Variants in CNTNAP2 observed in about 807,000 individuals in gnomAD.
CNTNAP2 encodes contactin-associated protein-like 2.
CNTNAP2 carries 98 observed loss-of-function variants against 155.2 expected under a neutral mutation model. The observed-to-expected ratio is 0.63, with a 90% CI of 0.54 to 0.75. The LOEUF is 0.75. Among genes scored for constraint, CNTNAP2 ranks in the 30% least tolerant of loss-of-function variants. The pLI, the probability that CNTNAP2 is intolerant of heterozygous loss-of-function variation, is 0.00. For missense variants in CNTNAP2, 1,727 were observed against 1,688.1 expected, an observed-to-expected ratio of 1.02 and a Z score of -0.40; for synonymous variants, 651 against 631.2, an observed-to-expected ratio of 1.03 and a Z score of -0.47.
intron 1 of CNTNAP2, among the ~76,000 whole-genome samples, chr7:146,728,579 T>C (rs762187288): frequency 2.7e-5 from 4 of 148,750 alleles, no homozygotes; most frequent in Admixed American, 6.7e-5. Flanking sequence ...ACCGTAAATC[T>C]ATACAATTTA....
At chr7:146,148,667 A>G (rs547319629) in intron 1 of CNTNAP2, among the ~76,000 whole-genome samples, 1 of 152,252 alleles carries the variant, frequency 6.6e-6, no homozygotes, top group East Asian at 1.9e-4. Flanking sequence ...TGTCAACATG[A>G]TGAGAAAATG....
intron 7 of CNTNAP2, among the ~76,000 whole-genome samples, chr7:147,130,632 G>T (rs1801333863): frequency 6.6e-6 from 1 of 152,096 alleles, no homozygotes; most frequent in Non-Finnish European, 1.5e-5. Context: ...AGGACATTTT[G>T]CAAGCAACCC....
intron 2 of CNTNAP2, among the ~76,000 whole-genome samples, chr7:146,787,589 G>A (rs1479055227): frequency 6.6e-6 from 1 of 152,092 alleles, no homozygotes; most frequent in Non-Finnish European, 1.5e-5. Flanking sequence ...AATGCCGCAC[G>A]GACACAAAGA....
chr7:147,567,042 G>A (rs748546667), intron 12 of CNTNAP2, among the ~76,000 whole-genome samples: 5 of 152,086 alleles, frequency 3.3e-5, no homozygotes, highest in African/African-American at 1.2e-4. Flanking sequence ...TGCCACAGAC[G>A]TATGGCAAAT....
intron 3 of CNTNAP2, among the ~76,000 whole-genome samples, chr7:146,881,722 C>G (rs1280965470): frequency 6.9e-6 from 1 of 144,984 alleles, no homozygotes; most frequent in African/African-American, 2.6e-5. Flanking sequence ...GTTATGATCT[C>G]TGTCACTTGT....
intron 1 of CNTNAP2, among the ~76,000 whole-genome samples, chr7:146,636,439 C>T (rs768894599): frequency 3.3e-5 from 5 of 152,092 alleles, no homozygotes; most frequent in Non-Finnish European, 7.4e-5. Flanking sequence ...TTCTCCTTAT[C>T]TAAAAAAATT....
intron 2 of CNTNAP2, among the ~76,000 whole-genome samples, chr7:146,832,127 T>A (rs1053929880): frequency 6.6e-6 from 1 of 152,168 alleles, no homozygotes; most frequent in African/African-American, 2.4e-5. Flanking sequence ...TGCAGATGTT[T>A]ATCCCCCACT....
intron 14 of CNTNAP2, chr7:147,940,231 A>T (rs1232989872): frequency 6.9e-6 from 1 of 144,230 alleles, no homozygotes; most frequent in Non-Finnish European, 1.5e-5. Flanking sequence ...TTCCATTCTG[A>T]TCGGCAGTGG....
intron 12 of CNTNAP2, among the ~76,000 whole-genome samples, chr7:147,585,055 G>T (rs1046257983): frequency 6.6e-6 from 1 of 152,150 alleles, no homozygotes; most frequent in Non-Finnish European, 1.5e-5. Context: ...GTTGCCCACA[G>T]CCTTCTGTCT....
chr7:147,218,567 T>C (rs1320672126), intron 8 of CNTNAP2, among the ~76,000 whole-genome samples: 1 of 107,008 alleles, frequency 9.3e-6, no homozygotes, highest in East Asian at 2.0e-4. Context: ...TATTTTTTTC[T>C]GTTTTTTTTT....
chr7:146,668,198 T>C lies in CNTNAP2; in HGVS notation c.98-106073T>C, dbSNP rs1031625935. 3.3e-5 allele frequency among the ~76,000 whole-genome samples: 5 copies of C among 152,268 alleles called. No individual in the cohort carries two copies. The East Asian group carries it at 9.6e-4, about 29-fold the overall frequency. On this transcript the variant is annotated intron_variant, in intron 1 of 23. Transcript: ENST00000361727. ...AATATAATGGCATATTACATTGTAT[T>C]AAATGTTTTTTCTGAATCTATCAAA...
rs148577290 is a variant in CNTNAP2, at chr7:147,346,447, C to T, written c.1498+46157C>T. Among the ~76,000 whole-genome samples, 219 of 152,244 alleles carry T rather than the reference C, an allele frequency of 1.4e-3. 3 individuals are homozygous for T. The highest frequency in any genetic ancestry group is 5.1e-3 in the African/African-American group (213 of 41,528). ...GGGATTACAGGCGTGAGCCACCGCG[C>T]CCGGCCCATAATCGAAGATTTTAAA... On this transcript the variant is annotated intron_variant, in intron 9 of 23. Transcript: ENST00000361727.
intron 10 of CNTNAP2, 27 bp downstream of exon 10, chr7:147,395,807 C>A: frequency 4.3e-6 from 7 of 1,610,024 alleles, no homozygotes; most frequent in East Asian, 2.2e-5. Flanking sequence ...TCCTACCTCA[C>A]GTTGTCCAAA....
intron 11 of CNTNAP2, among the ~76,000 whole-genome samples, chr7:147,512,681 A>G (rs1024289747): frequency 1.3e-5 from 2 of 152,206 alleles, no homozygotes; most frequent in Non-Finnish European, 1.5e-5. Flanking sequence ...AGATCTGTCT[A>G]TCATATCACC....
chr7:146,866,623 C>T (rs764270812), intron 3 of CNTNAP2, among the ~76,000 whole-genome samples: 18 of 152,166 alleles, frequency 1.2e-4, no homozygotes, highest in South Asian at 8.3e-4. Context: ...TTGGCTGGCA[C>T]GGCAAGTGGG....
intron 11 of CNTNAP2, among the ~76,000 whole-genome samples, chr7:147,546,974 C>T (rs1235848781): frequency 6.6e-6 from 1 of 152,148 alleles, no homozygotes; most frequent in Non-Finnish European, 1.5e-5. Context: ...AGGAACAGGG[C>T]AGATGCTGTA....
chr7:147,470,947 T>G (rs1798206260), intron 10 of CNTNAP2, among the ~76,000 whole-genome samples: 1 of 152,088 alleles, frequency 6.6e-6, no homozygotes, highest in South Asian at 2.1e-4. Context: ...AAATGAAGAT[T>G]GAGCCGGCAG....
At chr7:147,893,509 C>T (rs1046939256) in intron 13 of CNTNAP2, among the ~76,000 whole-genome samples, 4 of 152,166 alleles carry the variant, frequency 2.6e-5, no homozygotes, top group African/African-American at 9.7e-5. Flanking sequence ...CTCCACCTAC[C>T]ACTGTCCTTT....
intron 13 of CNTNAP2, among the ~76,000 whole-genome samples, chr7:147,674,003 T>C (rs1407607791): frequency 6.6e-6 from 1 of 152,118 alleles, no homozygotes; most frequent in Admixed American, 6.6e-5. Flanking sequence ...ATGTAAATGG[T>C]GTATCATTAA....
Sources: gnomAD v4.1 joint callset for allele counts (sites outside exome capture counted in the v4.1 genomes callset) on GRCh38, gnomAD v4.1.1 for gene constraint, MANE v1.5 for transcripts, NCBI Gene and HGNC (gene_info 2026-07-23, HGNC 2026-07-21) for gene names.